The following MACROD2 variants were observed in gnomAD, a reference collection of about 807,000 sequenced individuals.
The protein encoded by MACROD2 is mono-ADP ribosylhydrolase 2.
MACROD2 carries 36 observed loss-of-function variants against 70.4 expected under a neutral mutation model. The observed-to-expected ratio is 0.51, with a 90% CI of 0.39 to 0.68. MACROD2 has a LOEUF of 0.68. Ranked by LOEUF, MACROD2 falls within the 30% of genes least tolerant of loss-of-function variation. The pLI is 0.00. For missense variants in MACROD2, 496 were observed against 538.4 expected (o/e 0.92, Z 0.78); for synonymous variants, 172 against 178.8 (o/e 0.96, Z 0.30).
chr20:15,676,784 A>T (rs2050063084), intron 8 of MACROD2, among the ~76,000 whole-genome samples: 1 of 152,192 alleles, frequency 6.6e-6, no homozygotes, highest in Admixed American at 6.5e-5. Flanking sequence ...TAAGTTTATA[A>T]TTTTAAATGC....
chr20:14,772,935 T>C (rs930931831), intron 5 of MACROD2, among the ~76,000 whole-genome samples: 1 of 152,060 alleles, frequency 6.6e-6, no homozygotes, highest in Non-Finnish European at 1.5e-5. Context: ...CAATTTCTGG[T>C]ATTACTTTAG....
chr20:15,202,068 C>T (rs1253320143), intron 5 of MACROD2, among the ~76,000 whole-genome samples: 1 of 152,136 alleles, frequency 6.6e-6, no homozygotes. Context: ...TCAAAGATCA[C>T]TCATGGTGCC....
In MACROD2 at chr20:14,311,738, G is replaced by A. The variant is rs1601462037; in HGVS notation, c.272-181741G>A. 3.3e-5 allele frequency among the ~76,000 whole-genome samples: 5 copies of A among 152,064 alleles called. No individual in the cohort carries two copies. The South Asian group carries it at 1.0e-3, about 32-fold the overall frequency. The stretch of plus-strand genomic sequence containing the variant: ...TCACCATGTTGGCCAGACTGGTGTT[G>A]AACTCCTGACCTCAAATGATCCACC... On this transcript the variant is annotated intron_variant, in intron 3 of 17. Coordinates refer to ENST00000684519, the MANE Select transcript of MACROD2 (RefSeq NM_001351661.2).
chr20:14,274,533 C>T (rs188892647), intron 3 of MACROD2, among the ~76,000 whole-genome samples: 2 of 152,226 alleles, frequency 1.3e-5, no homozygotes, highest in East Asian at 3.9e-4. Flanking sequence ...AACCCACAGC[C>T]AATATCATAC....
intron 5 of MACROD2, among the ~76,000 whole-genome samples, chr20:15,096,308 C>T (rs1444399332): frequency 3.3e-5 from 5 of 151,946 alleles, no homozygotes; most frequent in African/African-American, 7.3e-5. Context: ...AAGCACAGAA[C>T]GTGGCTGCAT....
rs375752647 is a variant in MACROD2 at position 14,959,545 on chromosome 20, C to CA, written c.419-270390dup. Among the ~76,000 whole-genome samples, 789 of 152,080 alleles carry CA rather than the reference C, an allele frequency of 5.2e-3. 12 individuals carry two copies. The highest frequency in any genetic ancestry group is 0.018 in the African/African-American group (752 of 41,386). ...CCCCAAATACAAGCAAACCAACCAA[C>CA]AAAAACCCAGAACACACATAGGCTG... On this transcript the variant is annotated intron_variant, in intron 5 of 17. Coordinates refer to ENST00000684519, the MANE Select transcript of MACROD2 (RefSeq NM_001351661.2).
At chr20:14,648,782 T>A in intron 4 of MACROD2, among the ~76,000 whole-genome samples, 1 of 152,150 alleles carries the variant, frequency 6.6e-6, no homozygotes, top group South Asian at 2.1e-4. Flanking sequence ...AACATCCTTT[T>A]TAATTGCTGC....
At chr20:14,705,171 G>T (rs1568749133) in intron 5 of MACROD2, among the ~76,000 whole-genome samples, 1 of 151,936 alleles carries the variant, frequency 6.6e-6, no homozygotes, top group East Asian at 1.9e-4. Context: ...TCCTCCTCAT[G>T]TTGTACATTA....
rs913630902 is a variant in MACROD2, at chr20:15,230,462, T to C, written c.540+401T>C. On this transcript the variant is annotated intron_variant, in intron 6 of 17. Coordinates refer to ENST00000684519, the MANE Select transcript of MACROD2 (RefSeq NM_001351661.2). The stretch of plus-strand genomic sequence containing the variant: ...TGTATGCTTGTGCATTCTGGAGCCA[T>C]GTTTAATCTCTATGTACATGCATGA... Among the ~76,000 whole-genome samples the C allele has an allele frequency of 4.6e-5, 7 of 152,202 alleles. 1 individual carries two copies. Among genetic ancestry groups the C allele is most frequent in the Non-Finnish European group, 7.4e-5 (5 of 68,016 alleles).
chr20:14,739,212 T>C (rs1790978946), intron 5 of MACROD2, among the ~76,000 whole-genome samples: 2 of 151,982 alleles, frequency 1.3e-5, no homozygotes, highest in Non-Finnish European at 2.9e-5. Context: ...AGAATTCTAG[T>C]ATGAGAAATT....
In MACROD2 at chr20:14,354,924, A is replaced by T. The variant is rs151319594; in HGVS notation, c.272-138555A>T. Among the ~76,000 whole-genome samples, 563 of 152,308 alleles carry T rather than the reference A, an allele frequency of 3.7e-3. 6 individuals are homozygous for T. Among genetic ancestry groups the T allele is most frequent in the African/African-American group, 0.013 (549 of 41,580 alleles). On this transcript the variant is annotated intron_variant, in intron 3 of 17. Coordinates refer to ENST00000684519, the MANE Select transcript of MACROD2 (RefSeq NM_001351661.2). ...TTCCTGCATTAATTCACTTAGGATAATGACCTCTGGCTGCATCTGTGTTGC... is the reference window on the plus strand; with the variant it reads ...TTCCTGCATTAATTCACTTAGGATATTGACCTCTGGCTGCATCTGTGTTGC...
intron 8 of MACROD2, among the ~76,000 whole-genome samples, chr20:15,680,669 C>T (rs2050148413): frequency 6.6e-6 from 1 of 152,092 alleles, no homozygotes; most frequent in Non-Finnish European, 1.5e-5. Flanking sequence ...CCCCAGAAAA[C>T]AGTATCTGGT....
intron 5 of MACROD2, among the ~76,000 whole-genome samples, chr20:14,828,333 G>A (rs994274972): frequency 6.6e-6 from 1 of 152,122 alleles, no homozygotes; most frequent in African/African-American, 2.4e-5. Context: ...GAGGCAAAAG[G>A]TTATGCATGC....
intron 10 of MACROD2, among the ~76,000 whole-genome samples, chr20:15,929,724 G>A (rs2065545208): frequency 6.6e-6 from 1 of 152,306 alleles, no homozygotes; most frequent in Middle Eastern, 3.4e-3. Context: ...CCGTGATCAT[G>A]TTGTTGAGAT....
At chr20:15,729,257 G>C (rs551207366) in intron 8 of MACROD2, among the ~76,000 whole-genome samples, 1 of 152,150 alleles carries the variant, frequency 6.6e-6, no homozygotes, top group Admixed American at 6.5e-5. Context: ...GAGTGTGTTT[G>C]GTATGATTTT....
At chr20:14,800,524 A>T (rs1398126755) in intron 5 of MACROD2, among the ~76,000 whole-genome samples, 1 of 152,116 alleles carries the variant, frequency 6.6e-6, no homozygotes, top group Non-Finnish European at 1.5e-5. Flanking sequence ...ATTATAACGT[A>T]TCTGATGAGA....
chr20:14,424,004 C>G (rs1218110257), intron 3 of MACROD2, among the ~76,000 whole-genome samples: 10 of 151,754 alleles, frequency 6.6e-5, no homozygotes, highest in South Asian at 4.2e-4. Flanking sequence ...TCAGGTGATC[C>G]GCCCGCCTCA....
At chr20:14,284,093 T>C (rs1158782792) in intron 3 of MACROD2, among the ~76,000 whole-genome samples, 2 of 152,238 alleles carry the variant, frequency 1.3e-5, no homozygotes, top group Admixed American at 1.3e-4. Context: ...TTATTTCTGC[T>C]GTATAAAAAA....
chr20:15,708,775 C>T (rs2050577089), intron 8 of MACROD2, among the ~76,000 whole-genome samples: 1 of 151,730 alleles, frequency 6.6e-6, no homozygotes, highest in Non-Finnish European at 1.5e-5. Context: ...CCTGTGATCC[C>T]AGCACTTTGG....
Sources: gnomAD v4.1 joint callset for allele counts (sites outside exome capture counted in the v4.1 genomes callset) on GRCh38, gnomAD v4.1.1 for gene constraint, MANE v1.5 for transcripts, NCBI Gene and HGNC (gene_info 2026-07-23, HGNC 2026-07-21) for gene names.